SPPL3: variants seen among roughly 807,000 people sequenced by gnomAD.
SPPL3 encodes the protein signal peptide peptidase like 3, also known as signal peptide peptidase-like 3.
Under a neutral mutation model 42.4 loss-of-function variants are expected in SPPL3, and 5 were observed. The observed-to-expected ratio is 0.12, with a 90% CI of 0.06 to 0.25. SPPL3 has a LOEUF of 0.25. SPPL3 is among the 10% of genes least tolerant of loss of function. The pLI is 1.00. For missense variants in SPPL3, 235 were observed against 489.0 expected (o/e 0.48, Z 4.90); for synonymous variants, 195 against 181.8 (o/e 1.07, Z -0.58).
chr12:120,768,890 C>T, intron 7 of SPPL3, 63 bp downstream of exon 7: 1 of 1,407,408 alleles, frequency 7.1e-7, no homozygotes. Flanking sequence ...TAATAGTTTT[C>T]AGGCATGAAT....
intron 1 of SPPL3, among the ~76,000 whole-genome samples, chr12:120,896,697 T>A (rs1476594191): frequency 1.3e-5 from 2 of 151,944 alleles, no homozygotes; most frequent in Non-Finnish European, 2.9e-5. Flanking sequence ...GAGAATTGCT[T>A]GAACCTGGGA....
rs114893968 is a variant in SPPL3 at position 120,824,674 on chromosome 12, G to A, written c.24-13788C>T. On this transcript the variant is annotated intron_variant, in intron 1 of 10. Transcript: ENST00000353487. ...GCCTCCTAAGTAGCTGGGGAGACAGGCGCATGCCACCACATCAGGCTAATT... is the reference window on the plus strand; with the variant it reads ...GCCTCCTAAGTAGCTGGGGAGACAGACGCATGCCACCACATCAGGCTAATT... Among the ~76,000 whole-genome samples the A allele has an allele frequency of 5.9e-3, 896 of 152,230 alleles. 11 individuals are homozygous for A. The highest frequency in any genetic ancestry group is 0.02 in the African/African-American group (810 of 41,536).
intron 1 of SPPL3, among the ~76,000 whole-genome samples, chr12:120,835,822 TAAC>T (rs1871601189): frequency 6.6e-6 from 1 of 152,136 alleles, no homozygotes; most frequent in African/African-American, 2.4e-5. Context: ...CCTAACATCT[TAAC>T]AGCCACTTCA....
intron 1 of SPPL3, among the ~76,000 whole-genome samples, chr12:120,895,699 G>A (rs990000716): frequency 6.6e-6 from 1 of 152,108 alleles, no homozygotes; most frequent in East Asian, 1.9e-4. Flanking sequence ...GTGCTTTCAC[G>A]GAGCACTTTG....
chr12:120,852,754 T>TGAAA (rs1393896019), intron 1 of SPPL3, among the ~76,000 whole-genome samples: 3 of 92,934 alleles, frequency 3.2e-5, no homozygotes, highest in Non-Finnish European at 1.9e-5. Flanking sequence ...ATTTCATATA[T>TGAAA]TATATCTATG....
chr12:120,817,474 T>A (rs950738068), intron 1 of SPPL3, among the ~76,000 whole-genome samples: 1 of 152,198 alleles, frequency 6.6e-6, no homozygotes, highest in Non-Finnish European at 1.5e-5. Flanking sequence ...AATCACCCAA[T>A]ATTTACAGAT....
intron 2 of SPPL3, 50 bp from the exon 3 acceptor site, chr12:120,791,607 G>A: frequency 2.4e-6 from 3 of 1,236,614 alleles, no homozygotes; most frequent in Non-Finnish European, 3.5e-6. Context: ...TACAAAAGAA[G>A]GTCAGAAAAG....
intron 8 of SPPL3, among the ~76,000 whole-genome samples, chr12:120,768,114 C>T (rs1868976640): frequency 6.6e-6 from 1 of 152,206 alleles, no homozygotes; most frequent in Admixed American, 6.5e-5. Context: ...TGGCTGTTTG[C>T]TGACATTAAT....
At position 120,764,616 on chromosome 12, in the gene SPPL3, A is replaced by C. The variant is rs1162388201; in HGVS notation, c.*383T>G. The C allele has an allele frequency of 8.2e-6, 3 of 365,346 alleles. No homozygotes were observed. Among genetic ancestry groups the C allele is most frequent in the Non-Finnish European group, 1.5e-5 (3 of 205,718 alleles). The allele number at this position is 365,346 out of a possible 1,614,324, so 22.6% of individuals were successfully genotyped here. A position where few individuals can be genotyped will look rare whatever the true frequency, so the allele number is the denominator to read the frequency against. ...TCATTGAAGAAACTTCGGTTTGCTA[A>C]TTTTTTTCATCCTTTTAGTGTTCAA... On this transcript the variant is annotated 3_prime_UTR_variant, in exon 11 of 11. Coordinates refer to ENST00000353487, the MANE Select transcript of SPPL3 (RefSeq NM_139015.5).
chr12:120,823,234 G>A (rs1489337438), intron 1 of SPPL3, among the ~76,000 whole-genome samples: 8 of 141,960 alleles, frequency 5.6e-5, no homozygotes, highest in Non-Finnish European at 9.3e-5. Flanking sequence ...GGGGGGCGGC[G>A]GCGGTGGCGG....
intron 1 of SPPL3, among the ~76,000 whole-genome samples, chr12:120,855,702 A>AAG (rs1001438735): frequency 1.3e-4 from 20 of 152,148 alleles, no homozygotes; most frequent in African/African-American, 2.9e-4. Flanking sequence ...CTCAAAAAAA[A>AAG]AAAAGAAAAG....
At chr12:120,777,959 C>T (rs1019073128) in intron 6 of SPPL3, among the ~76,000 whole-genome samples, 10 of 152,084 alleles carry the variant, frequency 6.6e-5, no homozygotes, top group African/African-American at 2.4e-4. Context: ...TAGAGGGTAA[C>T]TTGGTCTGCA....
chr12:120,896,896 A>G (rs895631818), intron 1 of SPPL3, among the ~76,000 whole-genome samples: 18 of 152,358 alleles, frequency 1.2e-4, no homozygotes, highest in African/African-American at 4.1e-4. Context: ...TCAAAAATAG[A>G]TTATAGAATT....
At chr12:120,787,586 A>G (rs888613830) in intron 3 of SPPL3, among the ~76,000 whole-genome samples, 13 of 152,142 alleles carry the variant, frequency 8.5e-5, no homozygotes, top group African/African-American at 3.1e-4. Context: ...GAATTATTAC[A>G]TATTTAATAC....
intron 1 of SPPL3, among the ~76,000 whole-genome samples, chr12:120,890,317 C>T (rs1399141646): frequency 2.0e-5 from 3 of 151,810 alleles, no homozygotes; most frequent in Admixed American, 6.6e-5. Context: ...GGGCAGGGCA[C>T]GGTGGCTCAC....
At position 120,837,316 on chromosome 12, in the gene SPPL3, T is replaced by C. The variant is rs187241664; in HGVS notation, c.24-26430A>G. ...AATGTGAAGAGAAAAAAGGCAGATA[T>C]GAAAAAGGTTAATATTGTCAAAGAG... On this transcript the variant is annotated intron_variant, in intron 1 of 10. Transcript: ENST00000353487. 1.7e-3 allele frequency among the ~76,000 whole-genome samples: 253 copies of C among 152,310 alleles called. 1 individual carries two copies. Among genetic ancestry groups the C allele is most frequent in the African/African-American group, 5.6e-3 (234 of 41,570 alleles).
intron 6 of SPPL3, among the ~76,000 whole-genome samples, chr12:120,782,185 A>G (rs1354758295): frequency 6.6e-6 from 1 of 152,240 alleles, no homozygotes; most frequent in African/African-American, 2.4e-5. Flanking sequence ...TTATATAAAA[A>G]AGCATAGTCT....
At chr12:120,782,847 CTGGAT>C in intron 5 of SPPL3, 80 bp from the exon 6 acceptor site, 1 of 1,056,574 alleles carries the variant, frequency 9.5e-7, no homozygotes, top group Non-Finnish European at 1.4e-6. Flanking sequence ...TTCGTGATGG[CTGGAT>C]TAGAATAGCA....
intron 1 of SPPL3, among the ~76,000 whole-genome samples, chr12:120,896,746 T>A (rs1205609870): frequency 6.6e-6 from 1 of 151,140 alleles, no homozygotes; most frequent in Non-Finnish European, 1.5e-5. Context: ...ACCACTACAC[T>A]CTAGACTGGG....
Sources: allele counts gnomAD v4.1 joint callset (sites outside exome capture counted in the v4.1 genomes callset), GRCh38; gene constraint gnomAD v4.1.1; transcripts MANE v1.5; gene names NCBI Gene and HGNC (gene_info 2026-07-23, HGNC 2026-07-21).